Variants in PLEKHA5 observed in about 807,000 individuals in gnomAD.
PLEKHA5 encodes pleckstrin homology domain containing A5.
In PLEKHA5, 55 loss-of-function variants were observed where a neutral mutation model predicts 181.9. That is an observed-to-expected ratio of 0.30 (90% CI 0.24 to 0.38). The LOEUF is 0.38. Ranked by LOEUF, PLEKHA5 falls within the 10% of genes least tolerant of loss-of-function variation. PLEKHA5 has a pLI of 1.00. For synonymous variants in PLEKHA5, 535 were observed against 529.4 expected (o/e 1.01, Z -0.15); for missense variants, 1,432 against 1,549.5 (o/e 0.92, Z 1.27).
At position 19,283,632 on chromosome 12, in the gene PLEKHA5, A is replaced by G. The variant is rs148714109; in HGVS notation, c.1666A>G (p.Ile556Val). The G allele has an allele frequency of 1.2e-6, 2 of 1,614,144 alleles. No homozygotes were observed. The highest frequency in any genetic ancestry group is 1.3e-5 in the African/African-American group (1 of 75,072). ...SIPTSPSHGSIAAYQGYSPQR... is the reference protein window; with the variant it reads ...SIPTSPSHGSVAAYQGYSPQR... ...TCCCACATCACCTTCCCACGGGTCA[A>G]TAGCTGCTTATCAGGGATACTCCCC... Residue 556 changes from isoleucine (I) to valine (V), a missense_variant, in exon 12 of 32, where the codon ATA (isoleucine) becomes GTA (valine). Around this residue, in one of 2 missense-constraint regions of PLEKHA5, gnomAD observed 1,143 missense variants for 1,168.4 expected, o/e 0.98. Transcript: ENST00000429027.
chr12:19,166,092 G>T (rs1486895451), intron 3 of PLEKHA5, among the ~76,000 whole-genome samples: 2 of 76,842 alleles, frequency 2.6e-5, no homozygotes, highest in Non-Finnish European at 9.7e-5. Flanking sequence ...GTTGGGATCT[G>T]GCTCCCAAGT....
intron 30 of PLEKHA5, among the ~76,000 whole-genome samples, chr12:19,366,513 G>T (rs946743099): frequency 3.3e-5 from 5 of 152,054 alleles, no homozygotes; most frequent in Admixed American, 6.6e-5. Context: ...AATTAGCCGG[G>T]CATGGTGGCA....
intron 3 of PLEKHA5, among the ~76,000 whole-genome samples, chr12:19,166,783 A>C (rs945582702): frequency 6.6e-6 from 1 of 152,222 alleles, no homozygotes; most frequent in Non-Finnish European, 1.5e-5. Context: ...GACCATGGCA[A>C]CATAAATTTA....
At chr12:19,187,722 C>T (rs1291225121) in intron 3 of PLEKHA5, among the ~76,000 whole-genome samples, 1 of 152,074 alleles carries the variant, frequency 6.6e-6, no homozygotes, top group Non-Finnish European at 1.5e-5. Flanking sequence ...TTAAATGGAA[C>T]ACTTAGAGAA....
intron 3 of PLEKHA5, chr12:19,200,362 A>C: frequency 6.5e-7 from 1 of 1,529,144 alleles, no homozygotes; most frequent in Non-Finnish European, 8.8e-7. Context: ...TGGGAATAGA[A>C]GATGTAATGG....
At chr12:19,228,556 TTA>T (rs1222801877) in intron 3 of PLEKHA5, among the ~76,000 whole-genome samples, 7 of 152,224 alleles carry the variant, frequency 4.6e-5, no homozygotes, top group African/African-American at 1.7e-4. Flanking sequence ...ATCGTAACAA[TTA>T]TATGAGGAAG....
intron 20 of PLEKHA5, among the ~76,000 whole-genome samples, chr12:19,335,566 C>T (rs1462663926): frequency 2.0e-5 from 3 of 148,702 alleles, no homozygotes; most frequent in African/African-American, 7.4e-5. Context: ...CAGGCGCCTG[C>T]CACTGCGCCT....
At chr12:19,191,560 A>G (rs762528318) in intron 3 of PLEKHA5, among the ~76,000 whole-genome samples, 2 of 152,324 alleles carry the variant, frequency 1.3e-5, no homozygotes, top group Non-Finnish European at 2.9e-5. Flanking sequence ...CAGTTATACA[A>G]AATAAGATAC....
intron 3 of PLEKHA5, among the ~76,000 whole-genome samples, chr12:19,178,419 C>G (rs530354849): frequency 6.6e-6 from 1 of 152,112 alleles, no homozygotes; most frequent in African/African-American, 2.4e-5. Flanking sequence ...TAAAAGAAGT[C>G]ACAAGTTAGA....
chr12:19,345,910 A>G (rs377309665), intron 23 of PLEKHA5, 22 bp downstream of exon 23: 43 of 1,197,266 alleles, frequency 3.6e-5, no homozygotes, highest in Non-Finnish European at 5.0e-5. Context: ...TTGTTTTTCT[A>G]ATTATAAATT....
intron 3 of PLEKHA5, among the ~76,000 whole-genome samples, chr12:19,187,112 T>A (rs1372722922): frequency 6.6e-6 from 1 of 152,204 alleles, no homozygotes; most frequent in Non-Finnish European, 1.5e-5. Flanking sequence ...AGTAGCATTC[T>A]GGCCATTAGA....
chr12:19,321,831 A>G (rs2090950833), intron 18 of PLEKHA5, among the ~76,000 whole-genome samples: 2 of 152,106 alleles, frequency 1.3e-5, no homozygotes, highest in South Asian at 4.1e-4. Context: ...ACATATTTCC[A>G]ATTTGTCCAG....
At chr12:19,334,983 GAAAAAAAAA>G (rs35656695) in intron 20 of PLEKHA5, among the ~76,000 whole-genome samples, 2 of 49,966 alleles carry the variant, frequency 4.0e-5, no homozygotes, top group Non-Finnish European at 7.8e-5. Flanking sequence ...TTTTTTTTAT[GAAAAAAAAA>G]AAAAAAAAAA....
chr12:19,310,204 C>T lies in PLEKHA5; in HGVS notation c.2038-4610C>T, dbSNP rs142008063. 6.6e-3 allele frequency among the ~76,000 whole-genome samples: 999 copies of T among 152,280 alleles called. 14 individuals carry two copies. The highest frequency in any genetic ancestry group is 0.023 in the African/African-American group (946 of 41,528). On this transcript the variant is annotated intron_variant, in intron 15 of 31. Coordinates refer to ENST00000429027, the MANE Select transcript of PLEKHA5 (RefSeq NM_001256470.2). ...ATCCTACGTGTACTATTTAGTCTTTCCTCTGATTCCTTACACAATATGTAG... is the reference window on the plus strand; with the variant it reads ...ATCCTACGTGTACTATTTAGTCTTTTCTCTGATTCCTTACACAATATGTAG...
chr12:19,286,850 C>CA (rs1252710210), intron 12 of PLEKHA5, among the ~76,000 whole-genome samples: 5 of 151,630 alleles, frequency 3.3e-5, no homozygotes, highest in African/African-American at 4.8e-5. Context: ...CCTGTAATCC[C>CA]AGCTACTTGA....
At chr12:19,349,904 AGG>A (rs1332037129) in intron 25 of PLEKHA5, among the ~76,000 whole-genome samples, 1 of 152,132 alleles carries the variant, frequency 6.6e-6, no homozygotes, top group African/African-American at 2.4e-5. Flanking sequence ...CAAGGTCAGG[AGG>A]TGGAGACCAT....
chr12:19,242,522 T>C (rs1349968400), intron 3 of PLEKHA5, among the ~76,000 whole-genome samples: 1 of 152,194 alleles, frequency 6.6e-6, no homozygotes, highest in Non-Finnish European at 1.5e-5. Context: ...ATTACAGGCG[T>C]GAGCCACCAC....
chr12:19,269,662 C>T, intron 8 of PLEKHA5, 108 bp from the exon 9 acceptor site: 6 of 554,568 alleles, frequency 1.1e-5, no homozygotes, highest in East Asian at 3.0e-5. Context: ...TCTACTTTCT[C>T]TGAAATTTGA....
chr12:19,325,762 A>T (rs2091952379), intron 20 of PLEKHA5, among the ~76,000 whole-genome samples: 1 of 151,788 alleles, frequency 6.6e-6, no homozygotes, highest in Non-Finnish European at 1.5e-5. Context: ...TAATCTTAGC[A>T]CTTTGGGAGG....
Sources: allele counts gnomAD v4.1 joint callset (sites outside exome capture counted in the v4.1 genomes callset), GRCh38; gene constraint gnomAD v4.1.1; regional missense constraint gnomAD v4.1.1; transcripts MANE v1.5; gene names NCBI Gene and HGNC (gene_info 2026-07-23, HGNC 2026-07-21).